Variants in PLAC1 observed in about 807,000 individuals in gnomAD.
The protein encoded by PLAC1 is placenta associated 1.
For missense variants in PLAC1, 136 were observed against 163.2 expected, an observed-to-expected ratio of 0.83 and a Z score of 0.91; for synonymous variants, 68 against 62.1, an observed-to-expected ratio of 1.09 and a Z score of -0.44.
intron 1 of PLAC1, among the ~76,000 whole-genome samples, chrX:134,641,722 T>C (rs1477904708): frequency 2.7e-5 from 3 of 112,106 alleles, no homozygotes; most frequent in African/African-American, 9.7e-5. Context: ...GGTATGCCTC[T>C]CTTTCAGTTC....
Position 134,599,784 on chromosome X carries a change from C to T in PLAC1, c.-59+2267G>A, listed in dbSNP as rs143743731. On this transcript the variant is annotated intron_variant, in intron 2 of 2. Coordinates refer to ENST00000359237, the MANE Select transcript of PLAC1 (RefSeq NM_021796.4). ...TTTCATGTTTGAATCAGAAAAGCCT[C>T]CATTTTGGCTGACTCTAGCCCTTCA... 4.8e-3 allele frequency among the ~76,000 whole-genome samples: 530 copies of T among 111,426 alleles called. 3 individuals are homozygous for T. Among genetic ancestry groups the T allele is most frequent in the African/African-American group, 0.016 (505 of 30,662 alleles).
chrX:134,704,340 A>G (rs2078593833), intron 2 of PLAC1, among the ~76,000 whole-genome samples: 1 of 107,479 alleles, frequency 9.3e-6, no homozygotes, highest in South Asian at 4.1e-4. Flanking sequence ...TAAAAATACA[A>G]AAATTAGCTG....
intron 2 of PLAC1, among the ~76,000 whole-genome samples, chrX:134,578,039 G>A (rs1265012505): frequency 9.1e-6 from 1 of 110,351 alleles, no homozygotes; most frequent in Non-Finnish European, 1.9e-5. Context: ...GCAATTACAA[G>A]GGGAAGGTGG....
chrX:134,693,523 A>G (rs1368196508), intron 2 of PLAC1, among the ~76,000 whole-genome samples: 1 of 112,000 alleles, frequency 8.9e-6, no homozygotes, highest in Non-Finnish European at 1.9e-5. Flanking sequence ...TAGTGAGGAA[A>G]TGAAGGCTCA....
At chrX:134,700,186 A>T (rs2078577917) in intron 2 of PLAC1, among the ~76,000 whole-genome samples, 1 of 111,930 alleles carries the variant, frequency 8.9e-6, no homozygotes, top group African/African-American at 3.2e-5. Flanking sequence ...ATTATCTGAA[A>T]TTAACTATCT....
At chrX:134,735,379 T>C (rs2078700065) in intron 1 of PLAC1, among the ~76,000 whole-genome samples, 1 of 110,687 alleles carries the variant, frequency 9.0e-6, no homozygotes, top group Non-Finnish European at 1.9e-5. Context: ...GCAGTGACTA[T>C]AAATTCTACT....
At chrX:134,664,256 C>G (rs1305473543) in intron 2 of PLAC1, among the ~76,000 whole-genome samples, 1 of 111,912 alleles carries the variant, frequency 8.9e-6, no homozygotes, top group African/African-American at 3.3e-5. Flanking sequence ...ATCAGTTCCC[C>G]GGAGATGCTA....
At chrX:134,592,944 G>T (rs764990999) in intron 2 of PLAC1, among the ~76,000 whole-genome samples, 31 of 109,280 alleles carry the variant, frequency 2.8e-4, no homozygotes, top group African/African-American at 1.0e-3. Context: ...AGCCAGGATG[G>T]TCTCGATCTC....
intron 2 of PLAC1, among the ~76,000 whole-genome samples, chrX:134,588,297 T>TATTTC (rs1477200412): frequency 2.5e-5 from 1 of 40,095 alleles, no homozygotes; most frequent in Non-Finnish European, 6.2e-5. Context: ...TTATTTTATT[T>TATTTC]ATTTATTTAT....
At chrX:134,577,994 T>C (rs2077949371) in intron 2 of PLAC1, among the ~76,000 whole-genome samples, 1 of 110,264 alleles carries the variant, frequency 9.1e-6, no homozygotes, top group African/African-American at 3.3e-5. Context: ...CTCAGCCAGG[T>C]TTTTGTTGTG....
intron 1 of PLAC1, among the ~76,000 whole-genome samples, chrX:134,654,540 T>C (rs1340691111): frequency 8.9e-6 from 1 of 112,283 alleles, no homozygotes; most frequent in East Asian, 2.8e-4. Flanking sequence ...CACGTGGTTA[T>C]ATGGAACAGT....
chrX:134,581,381 C>T (rs1272551960), intron 2 of PLAC1, among the ~76,000 whole-genome samples: 2 of 110,246 alleles, frequency 1.8e-5, no homozygotes, highest in African/African-American at 6.6e-5. Flanking sequence ...GTGAAAGCGC[C>T]CTTCATTCCT....
At chrX:134,675,403 C>T (rs1313131107) in intron 2 of PLAC1, among the ~76,000 whole-genome samples, 1 of 112,311 alleles carries the variant, frequency 8.9e-6, no homozygotes. Context: ...TGGTGGCTCA[C>T]GCCTGTAATC....
upstream of PLAC1, among the ~76,000 whole-genome samples, chrX:134,658,858 C>A (rs780872792): frequency 1.8e-5 from 2 of 112,061 alleles, no homozygotes; most frequent in East Asian, 5.6e-4. Context: ...TGTCTTTACT[C>A]AGTAAACACA....
At chrX:134,570,312 A>G (rs2077902057) in intron 2 of PLAC1, among the ~76,000 whole-genome samples, 1 of 111,356 alleles carries the variant, frequency 9.0e-6, no homozygotes, top group Non-Finnish European at 1.9e-5. Flanking sequence ...TGGGAAGGAG[A>G]TGCCAGAAGA....
At chrX:134,624,386 A>G (rs1303104371) in intron 1 of PLAC1, among the ~76,000 whole-genome samples, 2 of 112,001 alleles carry the variant, frequency 1.8e-5, no homozygotes, top group Non-Finnish European at 3.8e-5. Context: ...TAGATCCCAC[A>G]TCAACAATCA....
At chrX:134,582,561 G>A (rs748198111) in intron 2 of PLAC1, among the ~76,000 whole-genome samples, 1 of 111,993 alleles carries the variant, frequency 8.9e-6, no homozygotes, top group South Asian at 3.7e-4. Context: ...AGGGCTTATG[G>A]TTTTGCTGAC....
At chrX:134,649,191 C>A (rs758543122) in intron 1 of PLAC1, among the ~76,000 whole-genome samples, 26 of 103,798 alleles carry the variant, frequency 2.5e-4, no homozygotes, top group South Asian at 9.4e-4. Flanking sequence ...TCACTTGAAC[C>A]TGGGTGGAGG....
At chrX:134,577,242 G>A (rs891139582) in intron 2 of PLAC1, among the ~76,000 whole-genome samples, 6 of 112,029 alleles carry the variant, frequency 5.4e-5, no homozygotes, top group African/African-American at 1.6e-4. Flanking sequence ...TCAGGGAGAC[G>A]TTCCCAACTA....
Sources: allele counts gnomAD v4.1 joint callset (sites outside exome capture counted in the v4.1 genomes callset), GRCh38; gene constraint gnomAD v4.1.1; transcripts MANE v1.5; gene names NCBI Gene and HGNC (gene_info 2026-07-23, HGNC 2026-07-21).